Variants in KLHL29 observed in about 807,000 individuals in gnomAD.
KLHL29 encodes the protein kelch-like protein 29.
Under a neutral mutation model 80.4 loss-of-function variants are expected in KLHL29, and 21 were observed. The ratio of observed to expected loss-of-function variants is 0.26; its 90% CI spans 0.19 to 0.38. KLHL29 has a LOEUF of 0.38. KLHL29 is among the 10% of genes least tolerant of loss of function. The probability of loss-of-function intolerance (pLI) is 1.00; values close to 1 mark genes in which losing one functional copy is unlikely to be tolerated. For missense variants in KLHL29, 867 were observed against 1,223.9 expected, an observed-to-expected ratio of 0.71 and a Z score of 4.35; for synonymous variants, 511 against 526.8, an observed-to-expected ratio of 0.97 and a Z score of 0.41.
At chr2:23,524,001 C>A (rs1350607720) in intron 2 of KLHL29, 1 of 471,728 alleles carries the variant, frequency 2.1e-6, no homozygotes, top group African/African-American at 2.0e-5. Flanking sequence ...CTAAACACCA[C>A]CAGCGTTGCT....
chr2:23,425,888 C>T (rs1435775869), intron 1 of KLHL29, among the ~76,000 whole-genome samples: 1 of 152,190 alleles, frequency 6.6e-6, no homozygotes, highest in East Asian at 1.9e-4. Context: ...GGGCACAAAT[C>T]AAAGCCCAGA....
At chr2:23,532,030 A>G (rs540222682) in intron 2 of KLHL29, among the ~76,000 whole-genome samples, 1 of 152,280 alleles carries the variant, frequency 6.6e-6, no homozygotes, top group African/African-American at 2.4e-5. Context: ...ACGGCCCTTG[A>G]CCATGGAAGC....
At chr2:23,452,912 C>CCCACACA (rs1553325470) in intron 1 of KLHL29, among the ~76,000 whole-genome samples, 28 of 150,156 alleles carry the variant, frequency 1.9e-4, no homozygotes, top group African/African-American at 6.4e-4. Flanking sequence ...ACCCCCCCGC[C>CCCACACA]CACACACACA....
intron 2 of KLHL29, among the ~76,000 whole-genome samples, chr2:23,485,575 A>T (rs1664912762): frequency 6.6e-6 from 1 of 152,234 alleles, no homozygotes; most frequent in African/African-American, 2.4e-5. Context: ...ATCTTGCTAG[A>T]ACCCAGGCTC....
At chr2:23,491,188 TC>T (rs1417205574) in intron 2 of KLHL29, among the ~76,000 whole-genome samples, 1 of 152,016 alleles carries the variant, frequency 6.6e-6, no homozygotes, top group East Asian at 1.9e-4. Flanking sequence ...ACCAGCAGCT[TC>T]CACCTGTGCT....
In KLHL29 at chr2:23,691,905, G is replaced by C. The variant is rs1319308875; in HGVS notation, c.1282+29G>C. 2.7e-5 allele frequency: 41 copies of C among 1,541,232 alleles called. No individual in the cohort carries two copies. In the Middle Eastern group the frequency reaches 6.7e-4, roughly 25 times the overall value. ...AGCCCGGGGGCCACATATGTCGCTT[G>C]GGGGGAAGAGTGCAGATGGGCGGAG... On this transcript the variant is annotated intron_variant, in intron 7 of 13. Coordinates refer to ENST00000486442, the MANE Select transcript of KLHL29 (RefSeq NM_052920.2).
At chr2:23,528,521 G>A (rs905940634) in intron 2 of KLHL29, among the ~76,000 whole-genome samples, 3 of 152,142 alleles carry the variant, frequency 2.0e-5, no homozygotes, top group Non-Finnish European at 4.4e-5. Flanking sequence ...ACGAGGCCAC[G>A]CGCTCCCTTG....
At chr2:23,576,853 C>T (rs1283357262) in intron 3 of KLHL29, among the ~76,000 whole-genome samples, 1 of 152,222 alleles carries the variant, frequency 6.6e-6, no homozygotes, top group Non-Finnish European at 1.5e-5. Flanking sequence ...TTCCCACCAC[C>T]ACTCACACCC....
At chr2:23,557,444 G>A (rs1028567890) in intron 2 of KLHL29, among the ~76,000 whole-genome samples, 1 of 152,242 alleles carries the variant, frequency 6.6e-6, no homozygotes, top group South Asian at 2.1e-4. Flanking sequence ...ACGTAATGAG[G>A]CTGCAACTAG....
At chr2:23,655,611 C>T (rs1044657366) in intron 5 of KLHL29, among the ~76,000 whole-genome samples, 1 of 152,166 alleles carries the variant, frequency 6.6e-6, no homozygotes. Flanking sequence ...AAAGTGATAC[C>T]GATGATCCAT....
intron 1 of KLHL29, among the ~76,000 whole-genome samples, chr2:23,456,543 C>T (rs1395673197): frequency 6.6e-6 from 1 of 152,252 alleles, no homozygotes; most frequent in African/African-American, 2.4e-5. Flanking sequence ...AGTAAGGCCA[C>T]GTGATGCGTG....
chr2:23,544,243 G>T (rs549941411), intron 2 of KLHL29, among the ~76,000 whole-genome samples: 5 of 152,128 alleles, frequency 3.3e-5, no homozygotes, highest in Non-Finnish European at 7.4e-5. Context: ...TCATTCACTC[G>T]TTATTTACGG....
intron 1 of KLHL29, among the ~76,000 whole-genome samples, chr2:23,442,735 A>G (rs916356504): frequency 5.9e-5 from 9 of 152,196 alleles, no homozygotes; most frequent in African/African-American, 2.2e-4. Flanking sequence ...ACAAATGCAC[A>G]TGTACAACCC....
At chr2:23,553,181 G>A (rs1667173258) in intron 2 of KLHL29, among the ~76,000 whole-genome samples, 2 of 152,344 alleles carry the variant, frequency 1.3e-5, no homozygotes, top group Non-Finnish European at 2.9e-5. Context: ...GATGCTGCTG[G>A]AAACTTCTGG....
chr2:23,561,004 A>C (rs1572401502), intron 2 of KLHL29, among the ~76,000 whole-genome samples: 1 of 152,140 alleles, frequency 6.6e-6, no homozygotes, highest in African/African-American at 2.4e-5. Flanking sequence ...GGAGCTGGGA[A>C]CCCGGACCTC....
At chr2:23,549,653 G>A (rs1377261994) in intron 2 of KLHL29, among the ~76,000 whole-genome samples, 2 of 152,182 alleles carry the variant, frequency 1.3e-5, no homozygotes, top group Admixed American at 1.3e-4. Flanking sequence ...AGGAACAGAG[G>A]ACAAAAGTCT....
intron 3 of KLHL29, among the ~76,000 whole-genome samples, chr2:23,573,790 T>C (rs1434855571): frequency 6.6e-6 from 1 of 152,212 alleles, no homozygotes; most frequent in African/African-American, 2.4e-5. Flanking sequence ...CGGTGCATGA[T>C]GCTTGGGGAC....
chr2:23,493,443 T>C (rs1029905621), intron 2 of KLHL29, among the ~76,000 whole-genome samples: 3 of 152,204 alleles, frequency 2.0e-5, no homozygotes, highest in Non-Finnish European at 2.9e-5. Flanking sequence ...AGCTCATGAA[T>C]AGAAATGAAA....
chr2:23,571,900 C>T lies in KLHL29; in HGVS notation c.285+9419C>T, dbSNP rs187938967. 6.2e-3 allele frequency among the ~76,000 whole-genome samples: 949 copies of T among 152,310 alleles called. 4 individuals are homozygous for T. Among genetic ancestry groups the T allele is most frequent in the Non-Finnish European group, 0.011 (734 of 68,028 alleles). On this transcript the variant is annotated intron_variant, in intron 3 of 13. Coordinates refer to ENST00000486442, the MANE Select transcript of KLHL29 (RefSeq NM_052920.2). ...AACCGCCTCCATTGCACAGACGGCT[C>T]CCAAGCAACAGCCGTGGGTGCCTCC...
Sources: gnomAD v4.1 joint callset for allele counts (sites outside exome capture counted in the v4.1 genomes callset) on GRCh38, gnomAD v4.1.1 for gene constraint, MANE v1.5 for transcripts, NCBI Gene and HGNC (gene_info 2026-07-23, HGNC 2026-07-21) for gene names.